Variants in TUNAR observed in about 807,000 individuals in gnomAD.
TUNAR encodes the protein protein TUNAR.
intron 2 of TUNAR, among the ~76,000 whole-genome samples, chr14:95,888,298 A>T (rs752343361): frequency 6.6e-6 from 1 of 152,250 alleles, no homozygotes; most frequent in South Asian, 2.1e-4. Flanking sequence ...CTGAATGTGT[A>T]CAATAGCTTG....
intron 2 of TUNAR, among the ~76,000 whole-genome samples, chr14:95,883,469 C>T (rs1208408796): frequency 1.3e-5 from 2 of 152,342 alleles, no homozygotes; most frequent in South Asian, 2.1e-4. Context: ...AGTTATGGAG[C>T]ACTAGCTCTG....
chr14:95,911,871 C>T (rs1198155109), intron 2 of TUNAR, among the ~76,000 whole-genome samples: 1 of 152,180 alleles, frequency 6.6e-6, no homozygotes, highest in Non-Finnish European at 1.5e-5. Context: ...TTAAATGACC[C>T]AAAACCCAAC....
At chr14:95,880,564 G>A (rs1888964848) in intron 2 of TUNAR, among the ~76,000 whole-genome samples, 1 of 152,182 alleles carries the variant, frequency 6.6e-6, no homozygotes, top group African/African-American at 2.4e-5. Flanking sequence ...TTCTATCTGT[G>A]TAGCTTTAGG....
At chr14:95,920,709 C>T (rs1438394747) in intron 2 of TUNAR, among the ~76,000 whole-genome samples, 1 of 152,172 alleles carries the variant, frequency 6.6e-6, no homozygotes, top group Non-Finnish European at 1.5e-5. Flanking sequence ...TTCAGGGGCT[C>T]ATGTGCACAG....
intron 2 of TUNAR, among the ~76,000 whole-genome samples, chr14:95,922,084 C>T (rs1313557529): frequency 2.0e-5 from 3 of 152,204 alleles, no homozygotes; most frequent in African/African-American, 7.2e-5. Flanking sequence ...GTGAGGCCTT[C>T]TCTAGGGTAT....
intron 2 of TUNAR, among the ~76,000 whole-genome samples, chr14:95,907,127 C>T (rs1373374406): frequency 6.6e-6 from 1 of 152,178 alleles, no homozygotes; most frequent in African/African-American, 2.4e-5. Flanking sequence ...TCATAGGGTC[C>T]TTCCTCCTTC....
chr14:95,908,072 C>T (rs1889452462), intron 2 of TUNAR, among the ~76,000 whole-genome samples: 1 of 152,222 alleles, frequency 6.6e-6, no homozygotes, highest in Non-Finnish European at 1.5e-5. Flanking sequence ...CCTTCAGGCC[C>T]TCCCTGGCCT....
At chr14:95,911,792 T>G (rs925428222) in intron 2 of TUNAR, among the ~76,000 whole-genome samples, 6 of 152,248 alleles carry the variant, frequency 3.9e-5, no homozygotes, top group African/African-American at 1.4e-4. Flanking sequence ...TGGTACCTTT[T>G]AGCACATCAG....
At chr14:95,877,465 G>T (rs1406962804) in intron 2 of TUNAR, among the ~76,000 whole-genome samples, 1 of 152,206 alleles carries the variant, frequency 6.6e-6, no homozygotes, top group Non-Finnish European at 1.5e-5. Context: ...TTCAGACTTA[G>T]CATTTGGGGG....
At chr14:95,901,614 A>G (rs1468443791) in intron 2 of TUNAR, among the ~76,000 whole-genome samples, 1 of 152,224 alleles carries the variant, frequency 6.6e-6, no homozygotes, top group African/African-American at 2.4e-5. Context: ...TAACCCCAGG[A>G]ACCACAACTT....
At chr14:95,877,077 C>G (rs978936400) in exon 2 of TUNAR, 6 of 152,320 alleles carry the variant, frequency 3.9e-5, no homozygotes, top group Admixed American at 3.9e-4. Flanking sequence ...TTTTTTCCTT[C>G]TCCTCGCCTT....
At chr14:95,887,939 T>C (rs924246305) in intron 2 of TUNAR, among the ~76,000 whole-genome samples, 1 of 152,246 alleles carries the variant, frequency 6.6e-6, no homozygotes, top group Non-Finnish European at 1.5e-5. Flanking sequence ...CTGCTGCACT[T>C]GGCTGGCGGC....
At chr14:95,901,249 G>A (rs774998033) in intron 2 of TUNAR, among the ~76,000 whole-genome samples, 6 of 152,190 alleles carry the variant, frequency 3.9e-5, no homozygotes, top group African/African-American at 1.4e-4. Flanking sequence ...ATGCAGCCCC[G>A]GAAATGCTCG....
intron 2 of TUNAR, among the ~76,000 whole-genome samples, chr14:95,896,166 T>C (rs936501487): frequency 6.6e-6 from 1 of 152,194 alleles, no homozygotes; most frequent in Non-Finnish European, 1.5e-5. Context: ...CACCTCTCAC[T>C]GCACCTACCC....
intron 2 of TUNAR, among the ~76,000 whole-genome samples, chr14:95,883,400 C>G (rs569079856): frequency 6.6e-6 from 1 of 152,222 alleles, no homozygotes; most frequent in Non-Finnish European, 1.5e-5. Context: ...GATCCACCCC[C>G]CCAACACACA....
At chr14:95,888,422 T>C (rs1263657466) in intron 2 of TUNAR, among the ~76,000 whole-genome samples, 2 of 152,160 alleles carry the variant, frequency 1.3e-5, no homozygotes, top group Admixed American at 6.5e-5. Flanking sequence ...TGAATAATCA[T>C]TTATTTTGCT....
At chr14:95,887,702 C>T (rs1889101264) in intron 2 of TUNAR, among the ~76,000 whole-genome samples, 1 of 152,294 alleles carries the variant, frequency 6.6e-6, no homozygotes, top group Non-Finnish European at 1.5e-5. Context: ...TGGCACATTT[C>T]ATAGGTTTCA....
At chr14:95,915,548 C>G (rs1358751110) in intron 2 of TUNAR, among the ~76,000 whole-genome samples, 1 of 152,170 alleles carries the variant, frequency 6.6e-6, no homozygotes, top group Non-Finnish European at 1.5e-5. Flanking sequence ...GGGTAATTTT[C>G]CAGAGGAAAA....
chr14:95,911,556 C>G (rs766768510), intron 2 of TUNAR, among the ~76,000 whole-genome samples: 1 of 152,206 alleles, frequency 6.6e-6, no homozygotes, highest in Non-Finnish European at 1.5e-5. Flanking sequence ...GTGTTCTGGC[C>G]TCATCTGCTA....
Sources: gnomAD v4.1 joint callset for allele counts (sites outside exome capture counted in the v4.1 genomes callset) on GRCh38, gnomAD v4.1.1 for gene constraint, MANE v1.5 for transcripts, NCBI Gene and HGNC (gene_info 2026-07-23, HGNC 2026-07-21) for gene names.